PPFIA2: variants seen among roughly 807,000 people sequenced by gnomAD.
The protein encoded by PPFIA2 is liprin-alpha-2.
A neutral mutation model predicts 175.5 loss-of-function variants in PPFIA2; 46 were observed. The observed-to-expected ratio is 0.26, with a 90% CI of 0.21 to 0.34. The LOEUF (loss-of-function observed/expected upper bound fraction) is 0.34, where lower values mean the gene tolerates loss of function less well. PPFIA2 is among the 10% of genes least tolerant of loss of function. The pLI is 1.00. For missense variants in PPFIA2, 1,179 were observed against 1,506.1 expected, an observed-to-expected ratio of 0.78 and a Z score of 3.60; for synonymous variants, 568 against 511.4, an observed-to-expected ratio of 1.11 and a Z score of -1.49.
chr12:81,712,194 A>G (rs190654656), intron 3 of PPFIA2, among the ~76,000 whole-genome samples: 174 of 151,502 alleles, frequency 1.1e-3, no homozygotes, highest in African/African-American at 4.0e-3. Flanking sequence ...TGAAAGAAAA[A>G]GCAAAATTTG....
At chr12:81,466,201 T>G (rs911453888) in intron 4 of PPFIA2, among the ~76,000 whole-genome samples, 2 of 152,196 alleles carry the variant, frequency 1.3e-5, no homozygotes, top group African/African-American at 2.4e-5. Context: ...AAATTCCATG[T>G]GCATTATATT....
At chr12:81,644,722 C>T (rs564146670) in intron 4 of PPFIA2, among the ~76,000 whole-genome samples, 1 of 152,154 alleles carries the variant, frequency 6.6e-6, no homozygotes, top group East Asian at 1.9e-4. Context: ...CAAGGTGGTG[C>T]TCTTTATTTA....
At chr12:81,484,510 CT>C (rs1446244265) in intron 4 of PPFIA2, among the ~76,000 whole-genome samples, 1 of 151,936 alleles carries the variant, frequency 6.6e-6, no homozygotes, top group Non-Finnish European at 1.5e-5. Flanking sequence ...TTTTTCCAGG[CT>C]TCATTTGCCA....
rs1356511285 is a variant in PPFIA2, at chr12:81,549,064, CA to C, written c.304-91199del. 3.3e-5 allele frequency among the ~76,000 whole-genome samples: 5 copies of C among 152,162 alleles called. No individual in the cohort carries two copies. In the East Asian group the frequency reaches 9.7e-4, roughly 29 times the overall value. On this transcript the variant is annotated intron_variant, in intron 4 of 32. Transcript: ENST00000549396. ...ATAGTAAAAATTAATGTCTCTGAGC[CA>C]TAGCTTGCCTCCACACAAGTAGTGA...
chr12:81,711,182 T>C (rs1259839028), intron 3 of PPFIA2, among the ~76,000 whole-genome samples: 3 of 151,276 alleles, frequency 2.0e-5, no homozygotes, highest in African/African-American at 7.2e-5. Flanking sequence ...AAGCCATGAT[T>C]GCACCACTGC....
At chr12:81,676,390 AG>A (rs897351608) in intron 4 of PPFIA2, among the ~76,000 whole-genome samples, 2 of 152,048 alleles carry the variant, frequency 1.3e-5, no homozygotes, top group African/African-American at 4.8e-5. Context: ...TGAATTAAGT[AG>A]AAAAGAACAA....
intron 4 of PPFIA2, among the ~76,000 whole-genome samples, chr12:81,547,556 G>A (rs183443502): frequency 1.3e-5 from 2 of 152,120 alleles, no homozygotes; most frequent in Admixed American, 1.3e-4. Flanking sequence ...TGTATTTTTC[G>A]TGGAGACGGG....
chr12:81,604,295 T>G (rs897127995), intron 4 of PPFIA2, among the ~76,000 whole-genome samples: 2 of 151,678 alleles, frequency 1.3e-5, no homozygotes, highest in Non-Finnish European at 3.0e-5. Context: ...TTTCAGGACA[T>G]AAGAGGTAAC....
At chr12:81,470,995 C>T (rs552613673) in intron 4 of PPFIA2, among the ~76,000 whole-genome samples, 1 of 152,314 alleles carries the variant, frequency 6.6e-6, no homozygotes, top group South Asian at 2.1e-4. Context: ...TGTGAGGAAT[C>T]ATGCAGTAGT....
intron 4 of PPFIA2, among the ~76,000 whole-genome samples, chr12:81,560,369 AAAGGTGG>A (rs1170731143): frequency 2.0e-4 from 30 of 152,128 alleles, no homozygotes; most frequent in Non-Finnish European, 2.8e-4. Context: ...ACTATATGTG[AAAGGTGG>A]AAGGTAATCA....
chr12:81,416,017 T>A (rs1367255235), intron 7 of PPFIA2, among the ~76,000 whole-genome samples: 3 of 151,606 alleles, frequency 2.0e-5, no homozygotes, highest in Admixed American at 1.3e-4. Context: ...AGCATCTTCA[T>A]TAGAGGCATG....
Position 81,495,345 on chromosome 12 carries a change from T to TA in PPFIA2, c.304-37480dup, listed in dbSNP as rs1032256884. Among the ~76,000 whole-genome samples the TA allele has an allele frequency of 2.4e-3, 366 of 151,992 alleles. 1 individual carries two copies. The highest frequency in any genetic ancestry group is 8.5e-3 in the African/African-American group (354 of 41,516). ...TTCTACCCTCACCATTTTACATGAA[T>TA]AAAAAAAACATAAATTCTTCTTTAA... On this transcript the variant is annotated intron_variant, in intron 4 of 32. Coordinates refer to ENST00000549396, the MANE Select transcript of PPFIA2 (RefSeq NM_003625.5).
At chr12:81,588,175 G>A (rs1041951769) in intron 4 of PPFIA2, among the ~76,000 whole-genome samples, 3 of 144,000 alleles carry the variant, frequency 2.1e-5, no homozygotes, top group Non-Finnish European at 4.7e-5. Flanking sequence ...AATAGTCCAG[G>A]ATGGGGTTGA....
At chr12:81,713,108 GA>G (rs1254514515) in intron 3 of PPFIA2, among the ~76,000 whole-genome samples, 1 of 151,042 alleles carries the variant, frequency 6.6e-6, no homozygotes, top group Admixed American at 6.8e-5. Flanking sequence ...TAATATTTTT[GA>G]AATGATTTTA....
At chr12:81,266,084 C>T (rs542529228) in intron 30 of PPFIA2, among the ~76,000 whole-genome samples, 20 of 152,218 alleles carry the variant, frequency 1.3e-4, no homozygotes, top group African/African-American at 4.6e-4. Context: ...TTTTATAATA[C>T]CAAGATTATC....
intron 4 of PPFIA2, among the ~76,000 whole-genome samples, chr12:81,461,221 T>C (rs1274270597): frequency 6.6e-6 from 1 of 152,116 alleles, no homozygotes; most frequent in Non-Finnish European, 1.5e-5. Context: ...CTAACCATTT[T>C]ACATGAATAA....
chr12:81,260,517 C>T (rs1388839042), intron 32 of PPFIA2: 3 of 152,014 alleles, frequency 2.0e-5, no homozygotes, highest in African/African-American at 7.3e-5. Context: ...TCTTATTTAG[C>T]CAAATTATTA....
At chr12:81,522,830 C>T (rs959614679) in intron 4 of PPFIA2, among the ~76,000 whole-genome samples, 3 of 152,198 alleles carry the variant, frequency 2.0e-5, no homozygotes, top group Non-Finnish European at 4.4e-5. Context: ...GATCCTCACT[C>T]ACAGAGACAA....
At chr12:81,503,305 C>T (rs1293657902) in intron 4 of PPFIA2, among the ~76,000 whole-genome samples, 2 of 151,958 alleles carry the variant, frequency 1.3e-5, no homozygotes, top group African/African-American at 4.8e-5. Context: ...TCTCTGATAT[C>T]CAGATCTGCT....
Sources: gnomAD v4.1 joint callset for allele counts (sites outside exome capture counted in the v4.1 genomes callset) on GRCh38, gnomAD v4.1.1 for gene constraint, MANE v1.5 for transcripts, NCBI Gene and HGNC (gene_info 2026-07-23, HGNC 2026-07-21) for gene names.